REV3L: variants seen among roughly 807,000 people sequenced by gnomAD.
REV3L encodes the protein REV3 like, DNA directed polymerase zeta catalytic subunit.
In REV3L, 69 loss-of-function variants were observed where a neutral mutation model predicts 299.4. That is an observed-to-expected ratio of 0.23 (90% CI 0.19 to 0.28). The LOEUF (loss-of-function observed/expected upper bound fraction) is 0.28, where lower values mean the gene tolerates loss of function less well. REV3L is among the 10% of genes least tolerant of loss of function. REV3L has a pLI of 1.00. For synonymous variants in REV3L, 1,238 were observed against 1,271.4 expected, an observed-to-expected ratio of 0.97 and a Z score of 0.56; for missense variants, 3,128 against 3,693.8, an observed-to-expected ratio of 0.85 and a Z score of 3.97.
At chr6:111,445,566 CT>C (rs1345957946) in intron 1 of REV3L, among the ~76,000 whole-genome samples, 1 of 151,970 alleles carries the variant, frequency 6.6e-6, no homozygotes, top group Admixed American at 6.6e-5. Context: ...TACTGAACAC[CT>C]AAGTGTGTAC....
At chr6:111,420,103 C>T (rs1785163755) in intron 1 of REV3L, among the ~76,000 whole-genome samples, 1 of 152,164 alleles carries the variant, frequency 6.6e-6, no homozygotes. Flanking sequence ...CCTCGGCCTT[C>T]CAAAGTGCTG....
chr6:111,390,273 G>C, intron 5 of REV3L, 93 bp from the exon 6 acceptor site: 1 of 758,130 alleles, frequency 1.3e-6, no homozygotes, highest in Non-Finnish European at 2.3e-6. Context: ...CATTTAGCTT[G>C]TACCCAGAAA....
chr6:111,325,647 T>C (rs1485746336), intron 25 of REV3L, among the ~76,000 whole-genome samples: 1 of 152,208 alleles, frequency 6.6e-6, no homozygotes, highest in African/African-American at 2.4e-5. Flanking sequence ...CTTTTAATTA[T>C]TCTGGATACA....
At chr6:111,318,442 CTAAGA>C (rs1773775384) in intron 26 of REV3L, among the ~76,000 whole-genome samples, 1 of 151,876 alleles carries the variant, frequency 6.6e-6, no homozygotes, top group Non-Finnish European at 1.5e-5. Context: ...TTTCTTTTTT[CTAAGA>C]TAAGCATAAA....
intron 29 of REV3L, chr6:111,310,350 G>T: frequency 3.3e-6 from 1 of 302,540 alleles, no homozygotes; most frequent in Non-Finnish European, 5.9e-6. Context: ...TGAGTTGGCA[G>T]ATATCAACTA....
intron 4 of REV3L, among the ~76,000 whole-genome samples, chr6:111,400,514 C>T (rs946321843): frequency 6.6e-6 from 1 of 152,078 alleles, no homozygotes; most frequent in African/African-American, 2.4e-5. Flanking sequence ...CATGTGTTTG[C>T]CATCCTTATA....
intron 1 of REV3L, among the ~76,000 whole-genome samples, chr6:111,468,196 T>G (rs780963103): frequency 3.3e-5 from 5 of 152,176 alleles, no homozygotes; most frequent in East Asian, 1.9e-4. Flanking sequence ...TACAAAAGAT[T>G]TGATAATGCC....
rs369966486 is a variant in REV3L, at chr6:111,376,321, A to G, written c.2034T>C (p.Tyr678=). 1 of 1,613,326 alleles carries G rather than the reference A, an allele frequency of 6.2e-7. No homozygotes were observed. Among genetic ancestry groups the G allele is most frequent in the Non-Finnish European group, 8.5e-7 (1 of 1,179,704 alleles). Residue 678 remains tyrosine (Y), a synonymous_variant, in exon 13 of 32, where the codon TAT becomes TAC. Transcript: ENST00000368802. Reference sequence around the variant, plus strand: ...CCTTTTCGATTTTTCTAATGTTTGTATATTTTCTACTTGGTACTTGTCTTG... The same window carrying G: ...CCTTTTCGATTTTTCTAATGTTTGTGTATTTTCTACTTGGTACTTGTCTTG... The part of the protein sequence containing the change: ...SVTRQVPSRK[Y]TNIRKIEKDS...
At chr6:111,428,023 A>G (rs1232132316) in intron 1 of REV3L, among the ~76,000 whole-genome samples, 1 of 152,054 alleles carries the variant, frequency 6.6e-6, no homozygotes, top group Non-Finnish European at 1.5e-5. Flanking sequence ...GATTTAAGAA[A>G]AAAAAAAAAA....
chr6:111,317,355 T>G (rs1180957619), intron 26 of REV3L, among the ~76,000 whole-genome samples: 2 of 152,248 alleles, frequency 1.3e-5, no homozygotes, highest in Non-Finnish European at 2.9e-5. Context: ...GAATTAATTT[T>G]AACATTCACT....
At chr6:111,341,870 G>A (rs779688898) in intron 21 of REV3L, among the ~76,000 whole-genome samples, 2 of 152,142 alleles carry the variant, frequency 1.3e-5, no homozygotes, top group Non-Finnish European at 2.9e-5. Context: ...GCTGGGGGTT[G>A]AGTGTGGGCA....
At position 111,380,045 on chromosome 6, in the gene REV3L, T is replaced by C; in HGVS notation, c.1391A>G (p.Glu464Gly). The C allele has an allele frequency of 1.9e-6, 3 of 1,614,016 alleles. No homozygotes were observed. Among genetic ancestry groups the C allele is most frequent in the Non-Finnish European group, 2.5e-6 (3 of 1,179,984 alleles). Reference sequence around the variant, plus strand: ...TCTCTGGGACATCACCAAACTAAGCTCCATTTCCTCTTTTTCAATCTGTGG... The same window carrying C: ...TCTCTGGGACATCACCAAACTAAGCCCCATTTCCTCTTTTTCAATCTGTGG... ...NEPQIEKEEM[E>G]LSLVMSQRWD... is the part of the protein sequence containing the mutation. The change falls in exon 11 of 32, where the codon GAG becomes GGG. Residue 464 changes from glutamate (E) to glycine (G), a missense_variant. Glu to Gly is a moderately conservative substitution (Grantham distance 98). Transcript: ENST00000368802.
chr6:111,411,854 C>G, intron 2 of REV3L: 1 of 349,998 alleles, frequency 2.9e-6, no homozygotes, highest in Non-Finnish European at 4.0e-6. Context: ...AAACCATCCA[C>G]CCCTTAATCT....
chr6:111,464,067 A>G (rs984805089), intron 1 of REV3L, among the ~76,000 whole-genome samples: 2 of 152,134 alleles, frequency 1.3e-5, no homozygotes, highest in African/African-American at 4.8e-5. Flanking sequence ...TACAACCTGG[A>G]GGCTTGCATG....
intron 1 of REV3L, among the ~76,000 whole-genome samples, chr6:111,468,800 A>G (rs1442135977): frequency 6.6e-6 from 1 of 152,182 alleles, no homozygotes; most frequent in African/African-American, 2.4e-5. Flanking sequence ...AAAAATTGTT[A>G]AAAGTTTTCT....
At chr6:111,326,288 A>G (rs568180194) in intron 25 of REV3L, among the ~76,000 whole-genome samples, 4 of 152,310 alleles carry the variant, frequency 2.6e-5, no homozygotes, top group Non-Finnish European at 5.9e-5. Context: ...ACTCAGTAGG[A>G]AAAAAACAAA....
intron 1 of REV3L, among the ~76,000 whole-genome samples, chr6:111,452,390 T>G (rs2128317741): frequency 6.6e-6 from 1 of 152,298 alleles, no homozygotes; most frequent in East Asian, 1.9e-4. Flanking sequence ...TCACAGAGAC[T>G]TGTACATAAA....
chr6:111,435,266 C>T (rs990493873), intron 1 of REV3L, among the ~76,000 whole-genome samples: 3 of 152,168 alleles, frequency 2.0e-5, no homozygotes, highest in Admixed American at 1.3e-4. Context: ...AATGGAATCC[C>T]TATCAACGTA....
intron 1 of REV3L, among the ~76,000 whole-genome samples, chr6:111,438,935 A>C (rs1562313406): frequency 6.6e-6 from 1 of 151,976 alleles, no homozygotes; most frequent in African/African-American, 2.4e-5. Flanking sequence ...GACAAAAAAA[A>C]CAGTCAATTT....
Sources: allele counts gnomAD v4.1 joint callset (sites outside exome capture counted in the v4.1 genomes callset), GRCh38; gene constraint gnomAD v4.1.1; transcripts MANE v1.5; gene names NCBI Gene and HGNC (gene_info 2026-07-23, HGNC 2026-07-21).